NRG1: variants seen among roughly 807,000 people sequenced by gnomAD.
NRG1 encodes the protein neuregulin 1, also known as pro-neuregulin-1, membrane-bound isoform.
A neutral mutation model predicts 63.8 loss-of-function variants in NRG1; 18 were observed. The observed-to-expected ratio is 0.28, with a 90% confidence interval of 0.19 to 0.42. The LOEUF is 0.42. NRG1 is among the 10% of genes least tolerant of loss of function. The pLI, the probability that NRG1 is intolerant of heterozygous loss-of-function variation, is 1.00. For missense variants in NRG1, 762 were observed against 814.7 expected (o/e 0.94, Z 0.79); for synonymous variants, 302 against 301.3 (o/e 1.00, Z -0.02).
chr8:32,569,305 T>C (rs1838066619), intron 1 of NRG1, among the ~76,000 whole-genome samples: 1 of 152,180 alleles, frequency 6.6e-6, no homozygotes. Flanking sequence ...CACCTTGGCC[T>C]CCCAAAGTGC....
chr8:32,160,407 T>C (rs541113172), intron 1 of NRG1, among the ~76,000 whole-genome samples: 4 of 152,146 alleles, frequency 2.6e-5, no homozygotes, highest in Non-Finnish European at 5.9e-5. Flanking sequence ...AAGCAAACCA[T>C]TGTTGTTATT....
intron 1 of NRG1, among the ~76,000 whole-genome samples, chr8:31,980,256 T>C (rs1178524368): frequency 1.3e-5 from 2 of 152,032 alleles, no homozygotes; most frequent in African/African-American, 2.4e-5. Context: ...CCTGTCACTC[T>C]CAGTTCAGAA....
intron 1 of NRG1, among the ~76,000 whole-genome samples, chr8:31,886,712 A>C (rs1256480791): frequency 6.6e-6 from 1 of 152,062 alleles, no homozygotes; most frequent in Non-Finnish European, 1.5e-5. Flanking sequence ...TGATTAGAAT[A>C]TGGTAGCTAG....
chr8:32,242,557 G>A (rs778246362), intron 1 of NRG1, among the ~76,000 whole-genome samples: 17 of 152,196 alleles, frequency 1.1e-4, no homozygotes, highest in East Asian at 7.7e-4. Context: ...AAATAGTGGC[G>A]GTGAAGATGT....
At chr8:32,072,385 C>G (rs1261384202) in intron 1 of NRG1, among the ~76,000 whole-genome samples, 4 of 151,932 alleles carry the variant, frequency 2.6e-5, no homozygotes, top group Admixed American at 1.3e-4. Context: ...ATAAACTGTG[C>G]TGGCAGTAAT....
chr8:31,755,730 C>A lies in NRG1; in HGVS notation c.37+116299C>A, dbSNP rs118025336. On this transcript the variant is annotated intron_variant, in intron 1 of 10. Transcript: ENST00000519301. ...GGGGTTCCACTGCACTGCAGCAGCG[C>A]GTATTTACTTGCTCCCAGGGCTGTC... 3.8e-3 allele frequency among the ~76,000 whole-genome samples: 580 copies of A among 152,164 alleles called. 1 individual carries two copies. Among genetic ancestry groups the A allele is most frequent in the Middle Eastern group, 0.02 (6 of 294 alleles).
At chr8:32,399,575 A>T (rs2129484528) in intron 1 of NRG1, among the ~76,000 whole-genome samples, 1 of 152,148 alleles carries the variant, frequency 6.6e-6, no homozygotes. Context: ...TGTGGTGGCA[A>T]GTGCCTGTAA....
At chr8:32,399,402 T>C (rs1261066460) in intron 1 of NRG1, among the ~76,000 whole-genome samples, 3 of 152,272 alleles carry the variant, frequency 2.0e-5, no homozygotes, top group East Asian at 1.9e-4. Flanking sequence ...TTTAAAAAAG[T>C]TTTGGGGTTA....
chr8:31,709,623 T>A (rs1436452578), intron 1 of NRG1, among the ~76,000 whole-genome samples: 1 of 152,088 alleles, frequency 6.6e-6, no homozygotes, highest in African/African-American at 2.4e-5. Context: ...TTTCTCTAAT[T>A]CATTTGTTGA....
intron 1 of NRG1, among the ~76,000 whole-genome samples, chr8:31,757,659 T>G (rs1027559560): frequency 1.3e-5 from 2 of 152,120 alleles, no homozygotes; most frequent in African/African-American, 2.4e-5. Flanking sequence ...GTTTATGTCC[T>G]GTAGGAGGAC....
intron 1 of NRG1, among the ~76,000 whole-genome samples, chr8:32,584,899 C>T (rs1373537371): frequency 6.6e-6 from 1 of 152,028 alleles, no homozygotes; most frequent in African/African-American, 2.4e-5. Context: ...ACTCATCTTA[C>T]CTGGGAATTT....
At chr8:32,737,418 G>A (rs1340422705) in intron 6 of NRG1, among the ~76,000 whole-genome samples, 4 of 151,988 alleles carry the variant, frequency 2.6e-5, no homozygotes, top group Non-Finnish European at 4.4e-5. Flanking sequence ...GGGCATGGTG[G>A]TGCATGCCTG....
At chr8:31,867,081 C>G (rs1397736825) in intron 1 of NRG1, among the ~76,000 whole-genome samples, 1 of 152,118 alleles carries the variant, frequency 6.6e-6, no homozygotes, top group Non-Finnish European at 1.5e-5. Flanking sequence ...ATGGACCTAG[C>G]CTTTTACCTC....
At chr8:31,919,668 T>G (rs1333327616) in intron 1 of NRG1, among the ~76,000 whole-genome samples, 1 of 152,062 alleles carries the variant, frequency 6.6e-6, no homozygotes, top group African/African-American at 2.4e-5. Context: ...CAGTTCACAA[T>G]GTTGTGAAGA....
In NRG1 at chr8:31,775,227, AGT is replaced by A. The variant is rs1048300461; in HGVS notation, c.37+135800_37+135801del. Among the ~76,000 whole-genome samples the A allele has an allele frequency of 2.0e-5, 3 of 152,256 alleles. 1 individual carries two copies. Among genetic ancestry groups the A allele is most frequent in the Admixed American group, 6.5e-5 (1 of 15,290 alleles). On this transcript the variant is annotated intron_variant, in intron 1 of 10. Transcript: ENST00000519301. ...CCATCATGGAGGACTGGATAAGGAA[AGT>A]GTGGCATATATACCACAGAATACAA...
intron 1 of NRG1, among the ~76,000 whole-genome samples, chr8:31,929,536 C>CAT (rs1194708423): frequency 6.6e-6 from 1 of 151,984 alleles, no homozygotes; most frequent in South Asian, 2.1e-4. Flanking sequence ...TATGTAATGA[C>CAT]ATATATATAA....
chr8:32,177,824 C>T (rs1191563189), intron 1 of NRG1, among the ~76,000 whole-genome samples: 1 of 151,966 alleles, frequency 6.6e-6, no homozygotes, highest in Non-Finnish European at 1.5e-5. Context: ...TCTCTTTCTG[C>T]TTGTGCTATT....
intron 1 of NRG1, among the ~76,000 whole-genome samples, chr8:32,066,432 A>T (rs1824828479): frequency 1.3e-5 from 2 of 152,202 alleles, no homozygotes; most frequent in African/African-American, 2.4e-5. Context: ...AGCACCATTT[A>T]TTAAATAGGG....
chr8:32,489,008 C>T (rs1339891013), intron 1 of NRG1, among the ~76,000 whole-genome samples: 1 of 152,186 alleles, frequency 6.6e-6, no homozygotes, highest in Non-Finnish European at 1.5e-5. Flanking sequence ...AGCTTTAGAG[C>T]AGGAATGAAA....
Sources: allele counts gnomAD v4.1 joint callset (sites outside exome capture counted in the v4.1 genomes callset), GRCh38; gene constraint gnomAD v4.1.1; transcripts MANE v1.5; gene names NCBI Gene and HGNC (gene_info 2026-07-23, HGNC 2026-07-21).